Variants in ENTPD8 observed in about 807,000 individuals in gnomAD.
ENTPD8 encodes the protein ectonucleoside triphosphate diphosphohydrolase 8, also known as E-NTPDase 8.
ENTPD8 carries 35 observed loss-of-function variants against 47.0 expected under a neutral mutation model. The ratio of observed to expected loss-of-function variants is 0.75; its 90% confidence interval spans 0.57 to 0.99. ENTPD8 has a LOEUF of 0.99. ENTPD8 is among the 50% of genes least tolerant of loss of function. The pLI, the probability that ENTPD8 is intolerant of heterozygous loss-of-function variation, is 0.00. For synonymous variants in ENTPD8, 308 were observed against 290.5 expected, an observed-to-expected ratio of 1.06 and a Z score of -0.61; for missense variants, 668 against 649.9, an observed-to-expected ratio of 1.03 and a Z score of -0.30.
chr9:137,436,894 T>A lies in ENTPD8; in HGVS notation c.530A>T (p.Asn177Ile). 6.2e-7 allele frequency: 1 copy of A among 1,613,012 alleles called. No homozygotes were observed. The highest frequency in any genetic ancestry group is 1.3e-5 in the African/African-American group (1 of 75,060). Residue 177 changes from asparagine (N) to isoleucine (I), a missense_variant, in exon 5 of 10, where the codon AAC (asparagine) becomes ATC (isoleucine). Physicochemically the swap from Asn to Ile is moderately radical, Grantham distance 149. Coordinates refer to ENST00000371506, the MANE Select transcript of ENTPD8 (RefSeq NM_001033113.2). ...AEGAFGWITV[N>I]YGLGTLVKYS... ...CTTGACCAGCGTCCCCAAGCCGTAGTTGACAGTGATCCAACCAAAGGCACC... is the reference window on the plus strand; with the variant it reads ...CTTGACCAGCGTCCCCAAGCCGTAGATGACAGTGATCCAACCAAAGGCACC...
chr9:137,439,877 A>C (rs1839471524), intron 1 of ENTPD8, among the ~76,000 whole-genome samples: 1 of 148,926 alleles, frequency 6.7e-6, no homozygotes, highest in East Asian at 2.0e-4. Flanking sequence ...AGACCAGGAA[A>C]GCGCCCCCCA....
Position 137,438,811 on chromosome 9 carries a change from C to G in ENTPD8, c.-20-506G>C, listed in dbSNP as rs1839440236. Among the ~76,000 whole-genome samples, 1 of 152,124 alleles carries G rather than the reference C, an allele frequency of 6.6e-6. No individual in the cohort carries two copies. Among genetic ancestry groups the G allele is most frequent in the African/African-American group, 2.4e-5 (1 of 41,418 alleles). On this transcript the variant is annotated intron_variant, in intron 1 of 9. Transcript: ENST00000371506. The surrounding 1 kb of genome is among the most constrained non-coding windows in gnomAD (Gnocchi z 5.7). Reference sequence around the variant, plus strand: ...CTGGGGACACAGCCCCAGCAGGATCCAAGTAGCCCCCTCGGACCCCCTCGG... The same window carrying G: ...CTGGGGACACAGCCCCAGCAGGATCGAAGTAGCCCCCTCGGACCCCCTCGG...
intron 8 of ENTPD8, 71 bp downstream of exon 8, chr9:137,435,648 G>A: frequency 2.8e-6 from 4 of 1,436,652 alleles, no homozygotes; most frequent in Non-Finnish European, 3.9e-6. Flanking sequence ...TGAGGCTCCA[G>A]CATCCTGCCC....
chr9:137,436,042 A>G lies in ENTPD8; in HGVS notation c.1021T>C (p.Tyr341His), dbSNP rs369535701. 4 of 1,612,748 alleles carry G rather than the reference A, an allele frequency of 2.5e-6. No individual in the cohort carries two copies. The highest frequency in any genetic ancestry group is 1.6e-4 in the Middle Eastern group (1 of 6,082). Residue 341 changes from tyrosine (Y) to histidine (H), a missense_variant, in exon 7 of 10, where the codon TAC becomes CAC. Coordinates refer to ENST00000371506, the MANE Select transcript of ENTPD8 (RefSeq NM_001033113.2). Reference protein sequence around the residue: ...GQEDCAFDGVYQPPLRGQFYA... With the variant: ...GQEDCAFDGVHQPPLRGQFYA... ...AACTGGCCCCGCAGCGGGGGCTGGT[A>G]GACCCCGTCAAAGGCGCAGTCCTCC...
At chr9:137,437,833 G>A in intron 3 of ENTPD8, 134 bp downstream of exon 3, 1 of 811,282 alleles carries the variant, frequency 1.2e-6, no homozygotes, top group Non-Finnish European at 2.0e-6. Flanking sequence ...GCAGGCTCCG[G>A]CCCAGCACCC....
intron 1 of ENTPD8, among the ~76,000 whole-genome samples, chr9:137,439,009 G>C (rs1477123598): frequency 3.9e-5 from 6 of 152,130 alleles, no homozygotes; most frequent in African/African-American, 1.4e-4. Context: ...CTCCTAGGGT[G>C]GGGGTTTCTC....
rs370512347 is a variant in ENTPD8, at chr9:137,435,981, G to A, written c.1050+32C>T. 3.8e-5 allele frequency: 61 copies of A among 1,608,436 alleles called. No homozygotes were observed. In the African/African-American group the frequency reaches 4.0e-4, roughly 11 times the overall value. On this transcript the variant is annotated intron_variant, in intron 7 of 9. Transcript: ENST00000371506. ...CACCTGAGGCCTCACAAGGAAGCCCGGACCCCTGGTGGGGGCAGTGTAGGT... is the reference window on the plus strand; with the variant it reads ...CACCTGAGGCCTCACAAGGAAGCCCAGACCCCTGGTGGGGGCAGTGTAGGT...
At chr9:137,436,395 G>A (rs911807608) in intron 6 of ENTPD8, 119 bp from the exon 7 acceptor site, 22 of 1,340,186 alleles carry the variant, frequency 1.6e-5, no homozygotes, top group African/African-American at 1.2e-4. Context: ...CCCCGGTGCC[G>A]GATGACCCAC....
rs763650113 is a variant in ENTPD8 at position 137,436,273 on chromosome 9, G to C, written c.790C>G (p.Arg264Gly). 1 of 1,584,942 alleles carries C rather than the reference G, an allele frequency of 6.3e-7. No individual in the cohort carries two copies. Among genetic ancestry groups the C allele is most frequent in the Non-Finnish European group, 8.6e-7 (1 of 1,164,254 alleles). ...GGGTGACGGAGCAGGGCAGCCGGGC[G>C]GCTCTGCAGAGGGCAGGGAGGCCTG... ...SRLLVGLVQS[R>G]PAALLRHPCY... The change falls in exon 7 of 10, where the codon CGC becomes GGC. Residue 264 changes from arginine (R) to glycine (G), a missense_variant. Physicochemically the swap from Arg to Gly is moderately radical, Grantham distance 125. Transcript: ENST00000371506.
chr9:137,436,212 A>T lies in ENTPD8; in HGVS notation c.851T>A (p.Leu284Gln). The change falls in exon 7 of 10, where the codon CTG (leucine) becomes CAG (glutamine). Residue 284 changes from leucine to glutamine, a missense_variant. Leu to Gln is a moderately radical substitution (Grantham distance 113). Coordinates refer to ENST00000371506, the MANE Select transcript of ENTPD8 (RefSeq NM_001033113.2). ...ACAGGGTGACTCATACAGCGGGCCC[A>T]GGGCCAGTGTGGTCTGGTAGCCGCT... is the stretch of plus-strand genomic sequence containing the variant. ...YLSGYQTTLALGPLYESPCVH... is the reference protein window; with the variant it reads ...YLSGYQTTLAQGPLYESPCVH... 6.2e-7 allele frequency: 1 copy of T among 1,611,822 alleles called. No individual in the cohort carries two copies. The highest frequency in any genetic ancestry group is 8.5e-7 in the Non-Finnish European group (1 of 1,179,204).
Position 137,434,385 on chromosome 9 carries a change from A to T in ENTPD8, c.*529T>A. The stretch of plus-strand genomic sequence containing the variant: ...ATGATGCTGTGTCCATGATGCTTTT[A>T]ATAAAAACAACCCCCACTGCAGTCT... On this transcript the variant is annotated 3_prime_UTR_variant, in exon 10 of 10. Transcript: ENST00000371506. 1 of 1,542,880 alleles carries T rather than the reference A, an allele frequency of 6.5e-7. No individual in the cohort carries two copies.
At chr9:137,437,875 G>T in intron 3 of ENTPD8, 92 bp downstream of exon 3, 2 of 1,182,636 alleles carry the variant, frequency 1.7e-6, no homozygotes, top group Non-Finnish European at 2.4e-6. Context: ...CCAAGTCACT[G>T]AACCTCTCCA....
Position 137,435,076 on chromosome 9 carries a change from C to T in ENTPD8, c.1326G>A (p.Leu442=). 3 of 1,611,436 alleles carry T rather than the reference C, an allele frequency of 1.9e-6. No homozygotes were observed. The highest frequency in any genetic ancestry group is 8.5e-7 in the Non-Finnish European group (1 of 1,179,686). Residue 442 remains leucine (L), a synonymous_variant, in exon 10 of 10, where the codon CTG becomes CTA. Coordinates refer to ENST00000371506, the MANE Select transcript of ENTPD8 (RefSeq NM_001033113.2). ...TCCCGGTCAGGTTCAGCATGTAGCC[C>T]AGTGTCCAGCCAATGTCCACACCGC... ...QAGGVDIGWT[L]GYMLNLTGMI...
At chr9:137,436,315 C>G in intron 6 of ENTPD8, 39 bp from the exon 7 acceptor site, 1 of 1,515,968 alleles carries the variant, frequency 6.6e-7, no homozygotes, top group South Asian at 1.3e-5. Context: ...AGCCGCACAC[C>G]TGCGGCCCTG....
Position 137,434,967 on chromosome 9 carries a change from G to A in ENTPD8, c.1435C>T (p.Leu479=). The part of the protein sequence containing the change: ...VAKVVFMVLA[L]VAVVGAALVQ... ...AAGGCAGCCCCCACCACCGCCACCA[G>A]GGCCAGCACCATGAACACCACTTTG... Residue 479 remains leucine (L), a synonymous_variant, in exon 10 of 10, where the codon CTG becomes TTG. Coordinates refer to ENST00000371506, the MANE Select transcript of ENTPD8 (RefSeq NM_001033113.2). The A allele has an allele frequency of 6.2e-7, 1 of 1,612,948 alleles. No individual in the cohort carries two copies.
chr9:137,439,455 C>T (rs777766888), intron 1 of ENTPD8, among the ~76,000 whole-genome samples: 28 of 152,188 alleles, frequency 1.8e-4, no homozygotes, highest in Non-Finnish European at 1.9e-4. Context: ...CCCCGGGAAA[C>T]GTTGCACCCA....
At chr9:137,436,327 G>A in intron 6 of ENTPD8, 51 bp from the exon 7 acceptor site, 1 of 1,493,274 alleles carries the variant, frequency 6.7e-7, no homozygotes, top group African/African-American at 1.4e-5. Flanking sequence ...GCGGCCCTGT[G>A]CCCCTCCCCG....
rs778919634 is a variant in ENTPD8, at chr9:137,436,943, C to T, written c.481G>A (p.Glu161Lys). 8 of 1,612,920 alleles carry T rather than the reference C, an allele frequency of 5.0e-6. No individual in the cohort carries two copies. Among genetic ancestry groups the T allele is most frequent in the African/African-American group, 4.0e-5 (3 of 74,940 alleles). Residue 161 changes from glutamate (E) to lysine (K), a missense_variant, in exon 5 of 10, where the codon GAG becomes AAG. Transcript: ENST00000371506. Reference protein sequence around the residue: ...GRSPVDFWGAELLAGQAEGAF... With the variant: ...GRSPVDFWGAKLLAGQAEGAF... ...CCTTCGGCCTGCCCGGCCAGGAGCTCGGCACCCCAAAAGTCCACGGGAGAC... is the reference window on the plus strand; with the variant it reads ...CCTTCGGCCTGCCCGGCCAGGAGCTTGGCACCCCAAAAGTCCACGGGAGAC...
Position 137,438,155 on chromosome 9 carries a change from C to T in ENTPD8, c.126+5G>A, listed in dbSNP as rs368524965. ...GCCCGGCCTCCCCTGCCGGCGGGGA[C>T]GCACCTTGATGTCTGTGGGCAGGAG... On this transcript the variant is annotated splice_donor_5th_base_variant and intron_variant, in intron 2 of 9. Coordinates refer to ENST00000371506, the MANE Select transcript of ENTPD8 (RefSeq NM_001033113.2). The surrounding 1 kb of genome is among the most constrained non-coding windows in gnomAD (Gnocchi z 5.7). 7.5e-6 allele frequency: 12 copies of T among 1,609,264 alleles called. No homozygotes were observed. The highest frequency in any genetic ancestry group is 2.2e-5 in the East Asian group (1 of 44,752).
Sources: gnomAD v4.1 joint callset for allele counts (sites outside exome capture counted in the v4.1 genomes callset) on GRCh38, gnomAD v4.1.1 for gene constraint, Gnocchi (gnomAD v3.1) non-coding constraint, MANE v1.5 for transcripts, NCBI Gene and HGNC (gene_info 2026-07-23, HGNC 2026-07-21) for gene names.